Variants in PHACTR1 observed in about 807,000 individuals in gnomAD.
The protein encoded by PHACTR1 is RPEL repeat containing 1.
PHACTR1 carries 16 observed loss-of-function variants against 69.2 expected under a neutral mutation model. The observed-to-expected ratio is 0.23, with a 90% CI of 0.16 to 0.35. The LOEUF (loss-of-function observed/expected upper bound fraction) is 0.35. Ranked by LOEUF, PHACTR1 falls within the 10% of genes least tolerant of loss-of-function variation. PHACTR1 has a pLI of 1.00. For missense variants in PHACTR1, 510 were observed against 734.7 expected (o/e 0.69, Z 3.54); for synonymous variants, 312 against 284.5 (o/e 1.10, Z -0.97).
intron 4 of PHACTR1, among the ~76,000 whole-genome samples, chr6:13,049,678 T>C (rs1229743912): frequency 2.0e-5 from 3 of 152,180 alleles, no homozygotes; most frequent in Admixed American, 6.5e-5. Flanking sequence ...TTTAGAGAAG[T>C]ACTAGAAGAT....
chr6:13,129,661 T>C (rs1820095156), intron 5 of PHACTR1, among the ~76,000 whole-genome samples: 1 of 152,062 alleles, frequency 6.6e-6, no homozygotes, highest in African/African-American at 2.4e-5. Flanking sequence ...ATAAAATAAT[T>C]ACTACTAGAC....
intron 4 of PHACTR1, among the ~76,000 whole-genome samples, chr6:12,950,397 A>G (rs1478865851): frequency 6.6e-6 from 1 of 152,212 alleles, no homozygotes; most frequent in African/African-American, 2.4e-5. Flanking sequence ...TGTGTAAGCA[A>G]GTTCCCAGCC....
At chr6:13,096,417 G>T (rs2127844923) in intron 5 of PHACTR1, among the ~76,000 whole-genome samples, 1 of 152,280 alleles carries the variant, frequency 6.6e-6, no homozygotes, top group South Asian at 2.1e-4. Context: ...GCCATAGCGG[G>T]CAAAGCTTCT....
At chr6:12,899,846 C>T (rs938674588) in intron 4 of PHACTR1, among the ~76,000 whole-genome samples, 3 of 152,190 alleles carry the variant, frequency 2.0e-5, no homozygotes, top group Non-Finnish European at 2.9e-5. Flanking sequence ...AGACTGCACG[C>T]CCGGGTCTGT....
chr6:13,148,393 G>A (rs1334724940), intron 5 of PHACTR1, among the ~76,000 whole-genome samples: 1 of 152,002 alleles, frequency 6.6e-6, no homozygotes, highest in African/African-American at 2.4e-5. Flanking sequence ...TGTAATCCAA[G>A]ACCATTATAT....
At chr6:12,787,676 C>T (rs2127655201) in intron 4 of PHACTR1, among the ~76,000 whole-genome samples, 1 of 152,270 alleles carries the variant, frequency 6.6e-6, no homozygotes, top group East Asian at 1.9e-4. Flanking sequence ...GGTGTGCTGA[C>T]CCAACAGGTT....
chr6:13,152,670 A>G (rs1824485304), intron 5 of PHACTR1, among the ~76,000 whole-genome samples: 1 of 152,308 alleles, frequency 6.6e-6, no homozygotes, highest in South Asian at 2.1e-4. Flanking sequence ...TTCCTTCTTT[A>G]CAAACTAGTG....
intron 4 of PHACTR1, among the ~76,000 whole-genome samples, chr6:12,896,421 C>A: frequency 6.6e-6 from 1 of 152,208 alleles, no homozygotes; most frequent in South Asian, 2.1e-4. Context: ...TGACAATTCC[C>A]GTCACCTGCT....
chr6:13,086,083 TAAA>T (rs776154642), intron 5 of PHACTR1, among the ~76,000 whole-genome samples: 57 of 60,276 alleles, frequency 9.5e-4, no homozygotes, highest in East Asian at 4.2e-3. Flanking sequence ...TACACATTTC[TAAA>T]AAAAAAAAAA....
At chr6:13,094,031 C>G (rs572793811) in intron 5 of PHACTR1, among the ~76,000 whole-genome samples, 2 of 152,066 alleles carry the variant, frequency 1.3e-5, no homozygotes, top group South Asian at 4.2e-4. Flanking sequence ...GCCACCACAC[C>G]TGGTTAATTT....
At chr6:12,843,903 C>T (rs895575488) in intron 4 of PHACTR1, among the ~76,000 whole-genome samples, 8 of 152,138 alleles carry the variant, frequency 5.3e-5, no homozygotes, top group Admixed American at 2.0e-4. Flanking sequence ...TTCTTTGCAT[C>T]GATGGAGTGC....
intron 4 of PHACTR1, among the ~76,000 whole-genome samples, chr6:12,876,622 C>T (rs1009515099): frequency 1.9e-4 from 29 of 152,286 alleles, no homozygotes; most frequent in African/African-American, 7.0e-4. Context: ...AAAGACTGTA[C>T]ACAGACTAAG....
intron 10 of PHACTR1, among the ~76,000 whole-genome samples, chr6:13,255,144 G>A (rs1426983100): frequency 6.6e-6 from 1 of 152,216 alleles, no homozygotes. Context: ...AAACAAAGTG[G>A]CTGCAATGTG....
intron 7 of PHACTR1, among the ~76,000 whole-genome samples, chr6:13,195,812 A>G (rs968357222): frequency 5.5e-5 from 8 of 144,960 alleles, no homozygotes; most frequent in Non-Finnish European, 9.1e-5. Flanking sequence ...GAGAGGTTAG[A>G]GGTGTATTTA....
At chr6:13,196,936 T>A (rs1403532008) in intron 7 of PHACTR1, among the ~76,000 whole-genome samples, 1 of 152,178 alleles carries the variant, frequency 6.6e-6, no homozygotes, top group African/African-American at 2.4e-5. Flanking sequence ...TACCACCACA[T>A]ATTAAACACT....
intron 10 of PHACTR1, chr6:13,272,635 G>A (rs1777986059): frequency 1.4e-6 from 2 of 1,388,158 alleles, no homozygotes; most frequent in South Asian, 1.5e-5. Context: ...CCGCTGCAGG[G>A]AGGAGGGCGG....
chr6:12,998,088 C>T (rs560894887), intron 4 of PHACTR1, among the ~76,000 whole-genome samples: 3 of 152,238 alleles, frequency 2.0e-5, no homozygotes, highest in South Asian at 2.1e-4. Flanking sequence ...TGGTACATCA[C>T]GAAAGTAGCT....
intron 5 of PHACTR1, among the ~76,000 whole-genome samples, chr6:13,073,174 G>A (rs1809800099): frequency 7.4e-6 from 1 of 135,810 alleles, no homozygotes; most frequent in Non-Finnish European, 1.5e-5. Flanking sequence ...TAAACAAGCA[G>A]AAACCAGAAA....
intron 4 of PHACTR1, among the ~76,000 whole-genome samples, chr6:13,035,599 A>T (rs1352983500): frequency 6.6e-6 from 1 of 152,224 alleles, no homozygotes; most frequent in Non-Finnish European, 1.5e-5. Context: ...GAATTATAAT[A>T]CTAATATTTG....
Sources: allele counts gnomAD v4.1 joint callset (sites outside exome capture counted in the v4.1 genomes callset), GRCh38; gene constraint gnomAD v4.1.1; transcripts MANE v1.5; gene names NCBI Gene and HGNC (gene_info 2026-07-23, HGNC 2026-07-21).